The following GOLGA8B variants were observed in gnomAD, a reference collection of about 807,000 sequenced individuals.
GOLGA8B encodes golgin A8 family member B.
Under a neutral mutation model 15.6 loss-of-function variants are expected in GOLGA8B, and 1 was observed. The observed-to-expected ratio is 0.06, with a 90% CI of 0.02 to 0.30. The LOEUF is 0.30. GOLGA8B is among the 10% of genes least tolerant of loss of function. The pLI is 1.00. For missense variants in GOLGA8B, 17 were observed against 201.3 expected (o/e 0.08, Z 5.54); for synonymous variants, 9 against 80.3 (o/e 0.11, Z 4.75).
rs1894428737 is a variant in GOLGA8B at position 34,525,819 on chromosome 15, G to A, written c.*1813C>T. On this transcript the variant is annotated 3_prime_UTR_variant, in exon 24 of 24. Coordinates refer to ENST00000683415, the MANE Select transcript of GOLGA8B (RefSeq NM_001023567.5). The stretch of plus-strand genomic sequence containing the variant: ...ATTCCATTGGCAAAATCGTATTGCT[G>A]CTCTCCTGTTAATCTCCTATTTATA... 6.7e-6 allele frequency: 1 copy of A among 149,482 alleles called. No individual in the cohort carries two copies. Among genetic ancestry groups the A allele is most frequent in the African/African-American group, 2.5e-5 (1 of 40,366 alleles). 9.3% of individuals were successfully genotyped at this position (149,482 alleles called of 1,614,324 possible).
intron 7 of GOLGA8B, among the ~76,000 whole-genome samples, chr15:34,543,248 C>G (rs1220235635): frequency 7.4e-6 from 1 of 134,670 alleles, no homozygotes; most frequent in African/African-American, 2.8e-5. Flanking sequence ...GTGGCACGAA[C>G]CTGCAGCCCT....
At chr15:34,581,220 C>T (rs1240682606) in intron 1 of GOLGA8B, among the ~76,000 whole-genome samples, 2 of 152,182 alleles carry the variant, frequency 1.3e-5, no homozygotes, top group Non-Finnish European at 2.9e-5. Context: ...CAGAGGACAG[C>T]GAGGAGTGCC....
At chr15:34,579,517 A>G (rs1450191952) in intron 1 of GOLGA8B, among the ~76,000 whole-genome samples, 1 of 152,154 alleles carries the variant, frequency 6.6e-6, no homozygotes, top group Non-Finnish European at 1.5e-5. Flanking sequence ...ACAACTGAAA[A>G]TCCAAAAAGG....
At chr15:34,580,728 C>T (rs550025140) in intron 1 of GOLGA8B, among the ~76,000 whole-genome samples, 14 of 152,276 alleles carry the variant, frequency 9.2e-5, no homozygotes, top group Non-Finnish European at 1.9e-4. Context: ...GGAGAAGCCT[C>T]TCTGTGGGCG....
chr15:34,564,573 G>A (rs1370990462), intron 1 of GOLGA8B, among the ~76,000 whole-genome samples: 7 of 146,528 alleles, frequency 4.8e-5, no homozygotes. Flanking sequence ...ATGTTTTCAG[G>A]CTCTGAAGCT....
chr15:34,579,062 T>C (rs1436569892), intron 1 of GOLGA8B, among the ~76,000 whole-genome samples: 1 of 151,830 alleles, frequency 6.6e-6, no homozygotes, highest in African/African-American at 2.4e-5. Flanking sequence ...CGTCTGTGCC[T>C]CAAAACAACC....
At chr15:34,573,110 A>G (rs1888965138) in intron 1 of GOLGA8B, among the ~76,000 whole-genome samples, 1 of 152,240 alleles carries the variant, frequency 6.6e-6, no homozygotes, top group South Asian at 2.1e-4. Context: ...AAAACTACAG[A>G]TGGCAGATCT....
chr15:34,569,618 TGATGCCCATC>T (rs1313360405), intron 1 of GOLGA8B, among the ~76,000 whole-genome samples: 19 of 151,912 alleles, frequency 1.3e-4, no homozygotes, highest in Middle Eastern at 3.4e-3. Context: ...GATGAGAAAA[TGATGCCCATC>T]ACCATAAACA....
Position 34,563,657 on chromosome 15 carries a change from T to C in GOLGA8B, c.-1122-9701A>G, listed in dbSNP as rs532461416. ...AAGAGCAGATGGGAGAAATATGTGTTCAGTGTTCAGTTTTCCTTCTGTAAG... is the reference window on the plus strand; with the variant it reads ...AAGAGCAGATGGGAGAAATATGTGTCCAGTGTTCAGTTTTCCTTCTGTAAG... On this transcript the variant is annotated intron_variant, in intron 1 of 23. Transcript: ENST00000683415. 1.2e-4 allele frequency among the ~76,000 whole-genome samples: 18 copies of C among 152,008 alleles called. No homozygotes were observed. The East Asian group carries it at 3.3e-3, about 28-fold the overall frequency.
Position 34,526,940 on chromosome 15 carries a change from G to C in GOLGA8B, c.*692C>G, listed in dbSNP as rs538910414. 1 of 154,346 alleles carries C rather than the reference G, an allele frequency of 6.5e-6. No homozygotes were observed. The highest frequency in any genetic ancestry group is 1.9e-4 in the South Asian group (1 of 5,142). 9.6% of individuals were successfully genotyped at this position (154,346 alleles called of 1,614,324 possible). ...AGTGCTCATTCTTGGCACCGGAACA[G>C]ATGAAACACACTGTATCCTGCACAT... On this transcript the variant is annotated 3_prime_UTR_variant, in exon 24 of 24. Coordinates refer to ENST00000683415, the MANE Select transcript of GOLGA8B (RefSeq NM_001023567.5).
At chr15:34,557,043 C>T (rs895695031) in intron 1 of GOLGA8B, among the ~76,000 whole-genome samples, 4 of 138,178 alleles carry the variant, frequency 2.9e-5, no homozygotes, top group African/African-American at 1.1e-4. Context: ...CGGTTGAGGG[C>T]TGAGGGGCAA....
intron 1 of GOLGA8B, among the ~76,000 whole-genome samples, chr15:34,554,312 C>T (rs1466823144): frequency 2.6e-5 from 4 of 152,294 alleles, no homozygotes; most frequent in Admixed American, 1.3e-4. Context: ...CCCAGGCTGC[C>T]GGTCTGCCTG....
chr15:34,582,465 G>A (rs1889265477), intron 1 of GOLGA8B, among the ~76,000 whole-genome samples: 1 of 152,254 alleles, frequency 6.6e-6, no homozygotes, highest in South Asian at 2.1e-4. Context: ...AAAACAAAGT[G>A]CCAGACGCAA....
At chr15:34,578,691 A>G (rs1889146958) in intron 1 of GOLGA8B, among the ~76,000 whole-genome samples, 1 of 152,198 alleles carries the variant, frequency 6.6e-6, no homozygotes, top group Non-Finnish European at 1.5e-5. Context: ...AACACACAGA[A>G]TTGCCCGATG....
In GOLGA8B at chr15:34,569,135, G is replaced by A. The variant is rs1449127628; in HGVS notation, c.-1123+14381C>T. 5.5e-5 allele frequency among the ~76,000 whole-genome samples: 8 copies of A among 146,008 alleles called. No individual in the cohort carries two copies. The East Asian group carries it at 1.6e-3, about 30-fold the overall frequency. On this transcript the variant is annotated intron_variant, in intron 1 of 23. Transcript: ENST00000683415. The stretch of plus-strand genomic sequence containing the variant: ...GCTAGTTGCTCTTCCACTAGGCTGT[G>A]ACACGCTGGCCGAGCTCCGCCTCCA...
intron 1 of GOLGA8B, among the ~76,000 whole-genome samples, chr15:34,554,442 TTA>T (rs1888437630): frequency 7.8e-6 from 1 of 128,640 alleles, no homozygotes; most frequent in Non-Finnish European, 1.7e-5. Flanking sequence ...ACCACACACA[TTA>T]CACACACTGC....
chr15:34,583,357 G>A (rs1286677309), intron 1 of GOLGA8B, among the ~76,000 whole-genome samples, 159 bp downstream of exon 1: 1 of 152,008 alleles, frequency 6.6e-6, no homozygotes, highest in Non-Finnish European at 1.5e-5. Context: ...TCCCAGCGGC[G>A]GCCTCCCCGC....
chr15:34,575,841 C>A lies in GOLGA8B; in HGVS notation c.-1123+7675G>T, dbSNP rs558655374. On this transcript the variant is annotated intron_variant, in intron 1 of 23. Transcript: ENST00000683415. The stretch of plus-strand genomic sequence containing the variant: ...CATTCTCCAGCAACCCCTTCCATGC[C>A]CTCCCTCCTGATCCCACCCAGCTCT... Among the ~76,000 whole-genome samples the A allele has an allele frequency of 2.8e-4, 43 of 152,316 alleles. No homozygotes were observed. In the South Asian group the frequency reaches 8.5e-3, roughly 30 times the overall value.
At chr15:34,575,462 A>AT (rs1889048884) in intron 1 of GOLGA8B, among the ~76,000 whole-genome samples, 1 of 151,800 alleles carries the variant, frequency 6.6e-6, no homozygotes, top group African/African-American at 2.4e-5. Context: ...ATGTGTTGTT[A>AT]TTGGCCCACC....
Sources: gnomAD v4.1 joint callset for allele counts (sites outside exome capture counted in the v4.1 genomes callset) on GRCh38, gnomAD v4.1.1 for gene constraint, MANE v1.5 for transcripts, NCBI Gene and HGNC (gene_info 2026-07-23, HGNC 2026-07-21) for gene names.